Variants in PCDH15 observed in about 807,000 individuals in gnomAD.
The protein encoded by PCDH15 is protocadherin-15.
A neutral mutation model predicts 178.5 loss-of-function variants in PCDH15; 129 were observed. The ratio of observed to expected loss-of-function variants is 0.72; its 90% CI spans 0.63 to 0.84. PCDH15 has a LOEUF of 0.84. Ranked by LOEUF, PCDH15 falls within the 40% of genes least tolerant of loss-of-function variation. The pLI, the probability that PCDH15 is intolerant of heterozygous loss-of-function variation, is 0.00. For missense variants in PCDH15, 2,230 were observed against 2,099.9 expected (o/e 1.06, Z -1.21); for synonymous variants, 800 against 732.0 (o/e 1.09, Z -1.50).
At chr10:54,790,334 A>G (rs1951283798) in intron 1 of PCDH15, among the ~76,000 whole-genome samples, 1 of 151,262 alleles carries the variant, frequency 6.6e-6, no homozygotes, top group Admixed American at 6.6e-5. Flanking sequence ...ACATATGTAT[A>G]TATTTACATA....
At chr10:54,929,406 C>T (rs1223821679) in intron 2 of PCDH15, among the ~76,000 whole-genome samples, 3 of 152,096 alleles carry the variant, frequency 2.0e-5, no homozygotes, top group Non-Finnish European at 4.4e-5. Context: ...TCAGCTGTGG[C>T]AGGGTGCTGG....
At chr10:54,697,951 C>T (rs1288523216) in intron 1 of PCDH15, among the ~76,000 whole-genome samples, 1 of 149,866 alleles carries the variant, frequency 6.7e-6, no homozygotes, top group Non-Finnish European at 1.5e-5. Context: ...TGTACATTCC[C>T]TTCTTATCAT....
intron 3 of PCDH15, among the ~76,000 whole-genome samples, chr10:54,841,242 C>G (rs757799352): frequency 4.0e-5 from 6 of 151,520 alleles, no homozygotes; most frequent in Non-Finnish European, 8.9e-5. Context: ...TGATATGAAA[C>G]TAAAAATCAA....
chr10:55,124,954 T>C (rs1837859773), intron 2 of PCDH15, among the ~76,000 whole-genome samples: 1 of 152,016 alleles, frequency 6.6e-6, no homozygotes, highest in South Asian at 2.1e-4. Flanking sequence ...ATCAGGACTC[T>C]AGGACTTTAG....
chr10:55,585,194 G>C (rs981223566), intron 2 of PCDH15, among the ~76,000 whole-genome samples: 1 of 152,030 alleles, frequency 6.6e-6, no homozygotes, highest in Non-Finnish European at 1.5e-5. Flanking sequence ...ACTGGGGATT[G>C]TTTTGTTCAC....
At chr10:53,831,919 G>A (rs1185580486) in intron 29 of PCDH15, among the ~76,000 whole-genome samples, 1 of 152,012 alleles carries the variant, frequency 6.6e-6, no homozygotes, top group Non-Finnish European at 1.5e-5. Flanking sequence ...CTTGGGTCCT[G>A]TAACCTTCAG....
intron 2 of PCDH15, among the ~76,000 whole-genome samples, chr10:54,985,071 T>C (rs976910926): frequency 6.6e-5 from 10 of 152,094 alleles, no homozygotes; most frequent in Admixed American, 4.6e-4. Context: ...ATATGACCTA[T>C]ATGTTAGGCT....
chr10:54,699,110 A>T (rs2135923996), intron 1 of PCDH15, among the ~76,000 whole-genome samples: 1 of 152,272 alleles, frequency 6.6e-6, no homozygotes, highest in East Asian at 1.9e-4. Flanking sequence ...TAGTGTCTGA[A>T]ATCATAATGG....
At chr10:54,355,212 T>C (rs1448308060) in intron 5 of PCDH15, among the ~76,000 whole-genome samples, 1 of 151,018 alleles carries the variant, frequency 6.6e-6, no homozygotes, top group Non-Finnish European at 1.5e-5. Flanking sequence ...CAAGTTTATA[T>C]CATTATTTAT....
intron 2 of PCDH15, among the ~76,000 whole-genome samples, chr10:55,360,579 C>T (rs1398253460): frequency 6.6e-6 from 1 of 151,884 alleles, no homozygotes; most frequent in Non-Finnish European, 1.5e-5. Flanking sequence ...AAAGAGAATA[C>T]CCAAATGGAT....
chr10:54,926,639 T>C (rs1219492073), intron 2 of PCDH15, among the ~76,000 whole-genome samples: 1 of 152,026 alleles, frequency 6.6e-6, no homozygotes, highest in East Asian at 1.9e-4. Flanking sequence ...GAGCCATTAG[T>C]GGTCTGTTCA....
intron 8 of PCDH15, among the ~76,000 whole-genome samples, chr10:54,252,272 G>A (rs976883471): frequency 2.6e-5 from 4 of 152,116 alleles, no homozygotes; most frequent in Admixed American, 6.6e-5. Context: ...ATAGGGCCAT[G>A]AGTAAAACTA....
intron 20 of PCDH15, among the ~76,000 whole-genome samples, chr10:53,998,662 G>T (rs2091971264): frequency 2.0e-5 from 3 of 152,160 alleles, no homozygotes; most frequent in South Asian, 4.1e-4. Context: ...TAAAATTTTT[G>T]ATTTTCTGGA....
chr10:54,729,087 A>T (rs958184639), intron 1 of PCDH15, among the ~76,000 whole-genome samples: 1 of 151,632 alleles, frequency 6.6e-6, no homozygotes, highest in East Asian at 1.9e-4. Flanking sequence ...ATTTACATGA[A>T]ACCAAAAAGA....
intron 3 of PCDH15, among the ~76,000 whole-genome samples, chr10:54,520,782 T>C (rs1328307981): frequency 3.3e-5 from 5 of 149,892 alleles, no homozygotes; most frequent in African/African-American, 4.9e-5. Flanking sequence ...TATTGCGGCA[T>C]TATTCACAAT....
rs577075172 is a variant in PCDH15, at chr10:54,978,986, C to T, written c.-79-81486G>A. ...AATTACTTTCCTTCCTCTATAAGTG[C>T]TATAATAAAATGAATTTATTTAATT... is the stretch of plus-strand genomic sequence containing the variant. On this transcript the variant is annotated intron_variant, in intron 2 of 5. Transcript: ENST00000458638. 3.9e-5 allele frequency among the ~76,000 whole-genome samples: 6 copies of T among 152,168 alleles called. No homozygotes were observed. The East Asian group carries it at 7.7e-4, about 20-fold the overall frequency.
At chr10:54,550,966 G>A (rs2086510698) in intron 2 of PCDH15, among the ~76,000 whole-genome samples, 1 of 151,618 alleles carries the variant, frequency 6.6e-6, no homozygotes, top group Non-Finnish European at 1.5e-5. Context: ...GACCAACCTG[G>A]CAAACATGGC....
chr10:55,084,138 A>C (rs1842106295), intron 2 of PCDH15, among the ~76,000 whole-genome samples: 1 of 151,922 alleles, frequency 6.6e-6, no homozygotes, highest in African/African-American at 2.4e-5. Flanking sequence ...AAAAGGAAGG[A>C]AACTGGAGAA....
intron 1 of PCDH15, among the ~76,000 whole-genome samples, chr10:55,174,350 C>G (rs553715636): frequency 6.6e-6 from 1 of 152,084 alleles, no homozygotes; most frequent in Non-Finnish European, 1.5e-5. Context: ...GAAGAATCCA[C>G]GACCAGAGTG....
Sources: gnomAD v4.1 joint callset for allele counts (sites outside exome capture counted in the v4.1 genomes callset) on GRCh38, gnomAD v4.1.1 for gene constraint, MANE v1.5 for transcripts, NCBI Gene and HGNC (gene_info 2026-07-23, HGNC 2026-07-21) for gene names.